TRAPPC9: variants seen among roughly 807,000 people sequenced by gnomAD.
TRAPPC9 encodes the protein IKK2 binding protein.
TRAPPC9 carries 83 observed loss-of-function variants against 124.0 expected under a neutral mutation model. The ratio of observed to expected loss-of-function variants is 0.67; its 90% CI spans 0.56 to 0.80. The LOEUF (loss-of-function observed/expected upper bound fraction) is 0.80, where lower values mean the gene tolerates loss of function less well. Among genes scored for constraint, TRAPPC9 ranks in the 30% least tolerant of loss-of-function variants. TRAPPC9 has a pLI of 0.00. For synonymous variants in TRAPPC9, 638 were observed against 617.5 expected, an observed-to-expected ratio of 1.03 and a Z score of -0.49; for missense variants, 1,302 against 1,508.3, an observed-to-expected ratio of 0.86 and a Z score of 2.27.
chr8:140,226,583 C>T (rs1327202554), intron 16 of TRAPPC9, among the ~76,000 whole-genome samples: 1 of 124,662 alleles, frequency 8.0e-6, no homozygotes, highest in Non-Finnish European at 1.7e-5. Context: ...CAGGGAGAGA[C>T]TCGGTCTCAA....
chr8:140,430,757 G>A (rs976387511), intron 4 of TRAPPC9, among the ~76,000 whole-genome samples: 1 of 152,166 alleles, frequency 6.6e-6, no homozygotes, highest in Non-Finnish European at 1.5e-5. Flanking sequence ...TCCCAACTCA[G>A]CCTCTTGAGT....
intron 17 of TRAPPC9, among the ~76,000 whole-genome samples, chr8:140,165,960 C>T (rs1211894315): frequency 6.6e-6 from 1 of 152,168 alleles, no homozygotes; most frequent in Non-Finnish European, 1.5e-5. Flanking sequence ...GCGCCATGAT[C>T]CTGCCTCCCT....
chr8:139,935,303 G>A (rs1021659338), intron 19 of TRAPPC9, among the ~76,000 whole-genome samples: 4 of 152,192 alleles, frequency 2.6e-5, no homozygotes, highest in Admixed American at 6.5e-5. Flanking sequence ...GGGAGCTCTC[G>A]CGTATCCTGT....
chr8:139,732,058 T>G lies in TRAPPC9; in HGVS notation c.3200A>C (p.Asp1067Ala), dbSNP rs1285463835. 4 of 1,604,880 alleles carry G rather than the reference T, an allele frequency of 2.5e-6. No homozygotes were observed. The highest frequency in any genetic ancestry group is 3.4e-6 in the Non-Finnish European group (4 of 1,175,808). Residue 1067 changes from aspartate to alanine, a missense_variant, in exon 22 of 23, where the codon GAC becomes GCC. Asp to Ala is a moderately radical substitution (Grantham distance 126). This residue lies in a region of TRAPPC9 where 640 missense variants were observed against 679.3 expected (regional missense o/e 0.94). Transcript: ENST00000438773. ...GTAGTTGTGCACGCCGTTCTGGTGG[T>G]CCTGGAAGGGGACCACAGTGAGGGC... ...PFALTVVPFQ[D>A]HQNGVHNYDL...
intron 20 of TRAPPC9, among the ~76,000 whole-genome samples, chr8:139,888,885 A>G (rs939704973): frequency 1.3e-5 from 2 of 152,202 alleles, no homozygotes; most frequent in South Asian, 4.1e-4. Flanking sequence ...TATGGAGCTG[A>G]CTGTGACCCA....
rs150672582 is a variant in TRAPPC9, at chr8:140,278,135, G to C, written c.2115-2314C>G. Among the ~76,000 whole-genome samples, 1,146 of 150,618 alleles carry C rather than the reference G, an allele frequency of 7.6e-3. 13 individuals are homozygous for C. Among genetic ancestry groups the C allele is most frequent in the African/African-American group, 0.027 (1,083 of 40,864 alleles). On this transcript the variant is annotated intron_variant, in intron 14 of 22. Coordinates refer to ENST00000438773, the MANE Select transcript of TRAPPC9 (RefSeq NM_001160372.4). ...ATTTTTTTTTTTTTGAGATAGTCTCGCTCTGTCGCTCAGGCTGGAGAGCAG... is the reference window on the plus strand; with the variant it reads ...ATTTTTTTTTTTTTGAGATAGTCTCCCTCTGTCGCTCAGGCTGGAGAGCAG...
intron 5 of TRAPPC9, among the ~76,000 whole-genome samples, chr8:140,422,303 CA>C (rs1215240953): frequency 5.3e-5 from 8 of 151,680 alleles, no homozygotes; most frequent in Non-Finnish European, 1.5e-5. Context: ...ACATCAAAAG[CA>C]CAGGAACAAA....
intron 15 of TRAPPC9, among the ~76,000 whole-genome samples, chr8:140,272,009 G>T (rs2064904168): frequency 7.9e-6 from 1 of 126,864 alleles, no homozygotes; most frequent in Non-Finnish European, 1.7e-5. Context: ...AGTGATGGTG[G>T]TGACGGGTGA....
intron 9 of TRAPPC9, among the ~76,000 whole-genome samples, chr8:140,338,900 C>A (rs372971803): frequency 5.9e-5 from 4 of 68,318 alleles, no homozygotes; most frequent in South Asian, 6.0e-4. Flanking sequence ...GAGAAAACCA[C>A]CGCCACCAGA....
At chr8:140,134,881 T>C (rs996832510) in intron 17 of TRAPPC9, among the ~76,000 whole-genome samples, 23 of 152,156 alleles carry the variant, frequency 1.5e-4, no homozygotes, top group Non-Finnish European at 2.4e-4. Context: ...AATAAAAAGA[T>C]AGTCTACAGA....
intron 21 of TRAPPC9, among the ~76,000 whole-genome samples, chr8:139,807,870 G>A (rs1369575181): frequency 6.6e-6 from 1 of 152,224 alleles, no homozygotes; most frequent in Non-Finnish European, 1.5e-5. Context: ...GGCTGGGTGG[G>A]TTCTGGAGGT....
intron 21 of TRAPPC9, among the ~76,000 whole-genome samples, chr8:139,846,669 G>A (rs1467945668): frequency 6.6e-6 from 1 of 152,208 alleles, no homozygotes; most frequent in Non-Finnish European, 1.5e-5. Context: ...TAGCCGCATT[G>A]GAAGCTGACT....
At chr8:139,755,411 C>T (rs1819657845) in intron 21 of TRAPPC9, among the ~76,000 whole-genome samples, 1 of 139,228 alleles carries the variant, frequency 7.2e-6, no homozygotes, top group African/African-American at 2.7e-5. Context: ...GCAGGAAGAG[C>T]CAGGGTTTGG....
At chr8:139,774,107 C>G (rs1381751107) in intron 21 of TRAPPC9, among the ~76,000 whole-genome samples, 1 of 152,174 alleles carries the variant, frequency 6.6e-6, no homozygotes, top group Non-Finnish European at 1.5e-5. Context: ...GCCACATGGA[C>G]GCGGGCGAAG....
chr8:140,390,632 G>A (rs894962468), intron 7 of TRAPPC9, among the ~76,000 whole-genome samples: 3 of 152,178 alleles, frequency 2.0e-5, no homozygotes, highest in Admixed American at 6.5e-5. Context: ...ACAGCCCAGC[G>A]GGGCATCAGA....
At chr8:140,296,170 C>T (rs1035765299) in intron 11 of TRAPPC9, among the ~76,000 whole-genome samples, 2 of 152,244 alleles carry the variant, frequency 1.3e-5, no homozygotes, top group African/African-American at 4.8e-5. Flanking sequence ...GCAGCATCAG[C>T]ATCAAATAGT....
intron 21 of TRAPPC9, among the ~76,000 whole-genome samples, chr8:139,814,977 C>T (rs188948692): frequency 1.4e-3 from 214 of 152,294 alleles, no homozygotes; most frequent in Non-Finnish European, 2.2e-3. Context: ...ACAGGAAACC[C>T]GCATGCTCCT....
At chr8:139,840,763 T>G (rs1371684977) in intron 21 of TRAPPC9, among the ~76,000 whole-genome samples, 1 of 152,148 alleles carries the variant, frequency 6.6e-6, no homozygotes, top group East Asian at 1.9e-4. Flanking sequence ...AACAGGCACA[T>G]CCAGCCTGCC....
chr8:139,900,985 TAAATAAATAAATAAATA>T (rs777367464), intron 20 of TRAPPC9, among the ~76,000 whole-genome samples: 5 of 111,858 alleles, frequency 4.5e-5, no homozygotes, highest in East Asian at 2.4e-4. Context: ...AATAAATAAA[TAAATAAATAAATAAATA>T]AAATAAATAA....
Sources: allele counts gnomAD v4.1 joint callset (sites outside exome capture counted in the v4.1 genomes callset), GRCh38; gene constraint gnomAD v4.1.1; regional missense constraint gnomAD v4.1.1; transcripts MANE v1.5; gene names NCBI Gene and HGNC (gene_info 2026-07-23, HGNC 2026-07-21).